Variants in EIF4E observed in about 807,000 individuals in gnomAD.
The protein encoded by EIF4E is eIF-4F 25 kDa subunit.
For synonymous variants in EIF4E, 71 were observed against 88.5 expected (o/e 0.80, Z 1.11); for missense variants, 113 against 265.6 (o/e 0.43, Z 3.99).
chr4:98,917,615 G>A (rs1206895917), intron 1 of EIF4E, among the ~76,000 whole-genome samples: 1 of 152,068 alleles, frequency 6.6e-6, no homozygotes, highest in Non-Finnish European at 1.5e-5. Context: ...TACATACATG[G>A]GAGGTTAATG....
At chr4:98,894,321 T>C (rs1168421862) in intron 2 of EIF4E, among the ~76,000 whole-genome samples, 3 of 152,258 alleles carry the variant, frequency 2.0e-5, no homozygotes, top group Non-Finnish European at 2.9e-5. Flanking sequence ...AGCTAGGCAA[T>C]GACTTCTCTC....
rs1723622361 is a variant in EIF4E, at chr4:98,880,205, C to G, written c.*823G>C. 5 of 149,282 alleles carry G rather than the reference C, an allele frequency of 3.3e-5. No individual in the cohort carries two copies. The South Asian group carries it at 6.5e-4, about 19-fold the overall frequency. The allele number at this position is 149,282 out of a possible 1,614,324, so 9.2% of individuals were successfully genotyped here. A position where few individuals can be genotyped will look rare whatever the true frequency, so the allele number is the denominator to read the frequency against. On this transcript the variant is annotated 3_prime_UTR_variant, in exon 7 of 7. Transcript: ENST00000450253. Reference sequence around the variant, plus strand: ...AGTGTTAAAATACAGCATAAAGATACAAAAACAGACATACTAATTCTAGTT... The same window carrying G: ...AGTGTTAAAATACAGCATAAAGATAGAAAAACAGACATACTAATTCTAGTT...
chr4:98,896,486 C>CA (rs59729154), intron 2 of EIF4E, among the ~76,000 whole-genome samples: 16,462 of 38,926 alleles, frequency 0.42, 3,867 homozygotes, highest in East Asian at 0.68. Flanking sequence ...CCGCATCTCT[C>CA]AAAAAAAAAA....
rs1303107400 is a variant in EIF4E, at chr4:98,891,245, G to C, written c.213C>G (p.Asp71Glu). 1 of 1,614,060 alleles carries C rather than the reference G, an allele frequency of 6.2e-7. No individual in the cohort carries two copies. The highest frequency in any genetic ancestry group is 8.5e-7 in the Non-Finnish European group (1 of 1,180,006). Residue 71 changes from aspartate to glutamate, a missense_variant, in exon 3 of 7, where the codon GAC (aspartate) becomes GAG (glutamate). Physicochemically the swap from Asp to Glu is conservative, Grantham distance 45. Transcript: ENST00000450253. ...RLISKFDTVE[D>E]FWALYNHIQL... is the part of the protein sequence containing the mutation. ...AACAAATGGTTACTTACGCCCAAAAGTCTTCAACAGTATCAAACTTGGAGA... is the reference window on the plus strand; with the variant it reads ...AACAAATGGTTACTTACGCCCAAAACTCTTCAACAGTATCAAACTTGGAGA...
chr4:98,894,729 G>T (rs1375894581), intron 2 of EIF4E, among the ~76,000 whole-genome samples: 1 of 152,188 alleles, frequency 6.6e-6, no homozygotes, highest in East Asian at 1.9e-4. Context: ...TCATTCATGT[G>T]TTTGCTGGAG....
intron 2 of EIF4E, among the ~76,000 whole-genome samples, chr4:98,899,161 G>A (rs1217752716): frequency 1.3e-5 from 2 of 151,866 alleles, no homozygotes; most frequent in African/African-American, 2.4e-5. Flanking sequence ...TGCCTTGGGT[G>A]AGTTAGCACT....
At position 98,901,991 on chromosome 4, in the gene EIF4E, A is replaced by G. The variant is rs1275289170; in HGVS notation, c.19-9T>C. 6.3e-7 allele frequency: 1 copy of G among 1,599,678 alleles called. No individual in the cohort carries two copies. The highest frequency in any genetic ancestry group is 8.6e-7 in the Non-Finnish European group (1 of 1,167,192). The stretch of plus-strand genomic sequence containing the variant: ...GGAGTAGGGGTGGTTTCCTAGTGGA[A>G]AATAATATAAAACATTATTTTAAAT... On this transcript the variant is annotated splice_polypyrimidine_tract_variant and intron_variant, in intron 1 of 6. Transcript: ENST00000450253.
chr4:98,899,608 C>T (rs1724562801), intron 2 of EIF4E, among the ~76,000 whole-genome samples: 1 of 152,148 alleles, frequency 6.6e-6, no homozygotes, highest in Admixed American at 6.5e-5. Context: ...ATGTAAATTA[C>T]AGCACTGTGT....
At chr4:98,897,527 T>C (rs1221654196) in intron 2 of EIF4E, among the ~76,000 whole-genome samples, 2 of 151,888 alleles carry the variant, frequency 1.3e-5, no homozygotes, top group African/African-American at 2.4e-5. Context: ...GATCGCACCA[T>C]TGCACTCCAG....
rs897114579 is a variant in EIF4E, at chr4:98,886,981, T to G, written c.399+98A>C. 4.0e-6 allele frequency: 5 copies of G among 1,249,594 alleles called. No individual in the cohort carries two copies. The African/African-American group carries it at 4.4e-5, about 11-fold the overall frequency. The allele number at this position is 1,249,594 out of a possible 1,614,324, so 77.4% of individuals were successfully genotyped here. On this transcript the variant is annotated intron_variant, in intron 5 of 6. Coordinates refer to ENST00000450253, the MANE Select transcript of EIF4E (RefSeq NM_001968.5). ...CCTGATTTTCTAGTGTTGGGCATCC[T>G]TCTCTTAAATTAAGTAACAAATGTA...
In EIF4E at chr4:98,891,399, CAA is replaced by C; in HGVS notation, c.126-69_126-68del. On this transcript the variant is annotated intron_variant, in intron 2 of 6. Coordinates refer to ENST00000450253, the MANE Select transcript of EIF4E (RefSeq NM_001968.5). ...CCCATGTTAAAAGCAACATTATTCA[CAA>C]AAGTCAAAAGGTAGAAGCAACCCAC... The C allele has an allele frequency of 2.1e-6, 3 of 1,430,140 alleles. No homozygotes were observed. The Admixed American group carries it at 5.8e-5, about 28-fold the overall frequency. The allele number at this position is 1,430,140 out of a possible 1,614,324, so 88.6% of individuals were successfully genotyped here. A position where few individuals can be genotyped will look rare whatever the true frequency, so the allele number is the denominator to read the frequency against.
chr4:98,897,709 T>C (rs1387784226), intron 2 of EIF4E, among the ~76,000 whole-genome samples: 1 of 152,218 alleles, frequency 6.6e-6, no homozygotes, highest in Non-Finnish European at 1.5e-5. Context: ...TAGGCAATTG[T>C]CTGAACTTAA....
At chr4:98,896,769 C>A (rs188533370) in intron 2 of EIF4E, among the ~76,000 whole-genome samples, 2 of 149,068 alleles carry the variant, frequency 1.3e-5, no homozygotes, top group Non-Finnish European at 3.0e-5. Context: ...CTTGAGTCTA[C>A]GAGTTCAAGG....
At chr4:98,896,548 T>C (rs1393883155) in intron 2 of EIF4E, among the ~76,000 whole-genome samples, 2 of 141,472 alleles carry the variant, frequency 1.4e-5, no homozygotes, top group Non-Finnish European at 3.0e-5. Context: ...CCTGTGGACC[T>C]AGCTACTTAG....
intron 1 of EIF4E, among the ~76,000 whole-genome samples, chr4:98,927,135 T>C (rs1017840196): frequency 6.6e-6 from 1 of 152,182 alleles, no homozygotes; most frequent in Non-Finnish European, 1.5e-5. Flanking sequence ...TTCATTAGTG[T>C]TATGTAATAT....
Position 98,885,822 on chromosome 4 carries a change from G to C in EIF4E, c.400-761C>G, listed in dbSNP as rs1184788596. ...TAACCACCTTTAAGTGTACAGTTCA[G>C]TGGTGTTAAGTACATTCAACATTGT... On this transcript the variant is annotated intron_variant, in intron 5 of 6. Transcript: ENST00000450253. 2.6e-5 allele frequency among the ~76,000 whole-genome samples: 4 copies of C among 152,250 alleles called. No homozygotes were observed. The East Asian group carries it at 7.7e-4, about 29-fold the overall frequency.
chr4:98,886,023 T>C (rs564060056), intron 5 of EIF4E, among the ~76,000 whole-genome samples: 5 of 152,270 alleles, frequency 3.3e-5, no homozygotes, highest in African/African-American at 1.2e-4. Context: ...TGTGCTGGCA[T>C]GCACCTGTAG....
At chr4:98,898,060 T>C (rs551635208) in intron 2 of EIF4E, among the ~76,000 whole-genome samples, 5 of 152,282 alleles carry the variant, frequency 3.3e-5, no homozygotes, top group Non-Finnish European at 5.9e-5. Context: ...AGATTCCACA[T>C]TGCAACTAGC....
intron 1 of EIF4E, among the ~76,000 whole-genome samples, chr4:98,918,793 G>A (rs773205380): frequency 1.3e-5 from 2 of 152,184 alleles, no homozygotes; most frequent in Non-Finnish European, 2.9e-5. Flanking sequence ...AAAACACAAT[G>A]TGCCAGAAAA....
Sources: gnomAD v4.1 joint callset for allele counts (sites outside exome capture counted in the v4.1 genomes callset) on GRCh38, gnomAD v4.1.1 for gene constraint, MANE v1.5 for transcripts, NCBI Gene and HGNC (gene_info 2026-07-23, HGNC 2026-07-21) for gene names.